Variants in BARD1 observed in about 807,000 individuals in gnomAD.
BARD1 encodes the protein BRCA1-associated RING domain protein 1.
A neutral mutation model predicts 77.0 loss-of-function variants in BARD1; 73 were observed. The ratio of observed to expected loss-of-function variants is 0.95; its 90% CI spans 0.79 to 1.15. BARD1 has a LOEUF of 1.15. Ranked by LOEUF, BARD1 falls within the 50% of genes most tolerant of loss-of-function variation. BARD1 has a pLI of 0.00. For missense variants in BARD1, 993 were observed against 938.8 expected (o/e 1.06, Z -0.75); for synonymous variants, 384 against 338.0 (o/e 1.14, Z -1.49).
chr2:214,745,624 A>G (rs1559386711), intron 8 of BARD1, 98 bp downstream of exon 8: 2 of 1,480,800 alleles, frequency 1.4e-6, no homozygotes, highest in Non-Finnish European at 1.9e-6. Context: ...CCATCTCCCA[A>G]TGGTTAAAAC....
rs139259726 is a variant in BARD1 at position 214,794,017 on chromosome 2, C to T, written c.216-1572G>A. On this transcript the variant is annotated intron_variant, in intron 2 of 10. Coordinates refer to ENST00000260947, the MANE Select transcript of BARD1 (RefSeq NM_000465.4). ...CTGTAATCTCAGCACTTTGGGAGGC[C>T]GAGACAAGAGAATCGCTTGAGCCCA... Among the ~76,000 whole-genome samples the T allele has an allele frequency of 3.9e-4, 59 of 152,008 alleles. No individual in the cohort carries two copies. The East Asian group carries it at 6.4e-3, about 16-fold the overall frequency.
At chr2:214,808,178 G>A (rs995402686) in intron 1 of BARD1, among the ~76,000 whole-genome samples, 8 of 152,210 alleles carry the variant, frequency 5.3e-5, no homozygotes, top group African/African-American at 1.9e-4. Context: ...GGGAGGCAGA[G>A]GCGGGCGGAT....
At chr2:214,751,137 ATATATATATATATATTTT>A (rs1693414391) in intron 7 of BARD1, among the ~76,000 whole-genome samples, 1 of 18,338 alleles carries the variant, frequency 5.5e-5, no homozygotes, top group African/African-American at 1.1e-4. Flanking sequence ...ATATATATAT[ATATATATATATATATTTT>A]TTTTTTTTTT....
At chr2:214,798,843 G>T (rs1187882775) in intron 1 of BARD1, among the ~76,000 whole-genome samples, 1 of 151,864 alleles carries the variant, frequency 6.6e-6, no homozygotes, top group Non-Finnish European at 1.5e-5. Context: ...TAGCAACCGG[G>T]TACTGAGGCT....
intron 7 of BARD1, among the ~76,000 whole-genome samples, chr2:214,748,366 T>G (rs1693241806): frequency 6.6e-6 from 1 of 151,916 alleles, no homozygotes; most frequent in Admixed American, 6.6e-5. Context: ...TCAAAAGAGG[T>G]ACAAAAAACA....
In BARD1 at chr2:214,745,735, C is replaced by A. The variant is rs1317068399; in HGVS notation, c.1797G>T (p.Glu599Asp). ...AVILKAKKYT[E>D]FDSTVTHVVV... ...CAAAATCCTCACCTGTACTGTCAAA[C>A]TCAGTATATTTTTTAGCCTTAAGAA... Residue 599 changes from glutamate to aspartate, a missense_variant, in exon 8 of 11, where the codon GAG (glutamate) becomes GAT (aspartate). Transcript: ENST00000260947. 3.1e-6 allele frequency: 5 copies of A among 1,614,058 alleles called. No homozygotes were observed. Among genetic ancestry groups the A allele is most frequent in the Non-Finnish European group, 4.2e-6 (5 of 1,179,974 alleles).
At chr2:214,785,684 A>C (rs775283721) in intron 3 of BARD1, among the ~76,000 whole-genome samples, 33 of 151,926 alleles carry the variant, frequency 2.2e-4, no homozygotes, top group Middle Eastern at 3.4e-3. Flanking sequence ...CTCCACACAA[A>C]CTGGATTAGC....
chr2:214,756,667 T>C (rs541523640), intron 6 of BARD1, among the ~76,000 whole-genome samples: 129 of 152,284 alleles, frequency 8.5e-4, no homozygotes, highest in African/African-American at 3.1e-3. Context: ...AATGAACTAA[T>C]GGCATTCACA....
At chr2:214,776,967 A>G (rs1164916544) in intron 4 of BARD1, among the ~76,000 whole-genome samples, 3 of 152,150 alleles carry the variant, frequency 2.0e-5, no homozygotes, top group Non-Finnish European at 4.4e-5. Context: ...AGAACCTGGA[A>G]ACAACCCTCA....
intron 6 of BARD1, among the ~76,000 whole-genome samples, chr2:214,753,072 C>G (rs545935376): frequency 6.6e-6 from 1 of 152,230 alleles, no homozygotes; most frequent in East Asian, 1.9e-4. Context: ...ATAATAATCA[C>G]AACCATCGCA....
At chr2:214,770,161 A>T (rs976474966) in intron 4 of BARD1, among the ~76,000 whole-genome samples, 8 of 152,212 alleles carry the variant, frequency 5.3e-5, no homozygotes, top group South Asian at 2.1e-4. Context: ...TGGCAAAAAA[A>T]GAGATCAGTA....
rs903469227 is a variant in BARD1 at position 214,768,339 on chromosome 2, T to G, written c.1396-685A>C. On this transcript the variant is annotated intron_variant, in intron 5 of 10. Coordinates refer to ENST00000260947, the MANE Select transcript of BARD1 (RefSeq NM_000465.4). The stretch of plus-strand genomic sequence containing the variant: ...ATAATAAGTGATATCACACTCAACA[T>G]CTGTAGGTCTATTTTTAGGAGAAAG... Among the ~76,000 whole-genome samples the G allele has an allele frequency of 4.6e-5, 7 of 152,220 alleles. No homozygotes were observed. The South Asian group carries it at 1.4e-3, about 31-fold the overall frequency.
chr2:214,738,940 T>C (rs547331833), intron 9 of BARD1, among the ~76,000 whole-genome samples: 1 of 151,420 alleles, frequency 6.6e-6, no homozygotes, highest in East Asian at 1.9e-4. Context: ...AAACAAGGAG[T>C]TCAAGAACAG....
At chr2:214,798,369 C>A (rs1695856398) in intron 1 of BARD1, among the ~76,000 whole-genome samples, 1 of 152,058 alleles carries the variant, frequency 6.6e-6, no homozygotes, top group African/African-American at 2.4e-5. Context: ...TGTGACTCTG[C>A]CAATAAACAT....
intron 9 of BARD1, among the ~76,000 whole-genome samples, chr2:214,742,818 A>AAAAT (rs1214397110): frequency 2.0e-5 from 3 of 152,224 alleles, no homozygotes; most frequent in African/African-American, 7.2e-5. Context: ...CTTAACATTC[A>AAAAT]AAATTTCGTA....
At chr2:214,802,677 T>A (rs1696078951) in intron 1 of BARD1, among the ~76,000 whole-genome samples, 1 of 152,210 alleles carries the variant, frequency 6.6e-6, no homozygotes, top group Non-Finnish European at 1.5e-5. Context: ...GAAGCCTATA[T>A]ACAAAAATGC....
intron 9 of BARD1, among the ~76,000 whole-genome samples, chr2:214,739,793 T>C (rs188739470): frequency 6.6e-6 from 1 of 152,130 alleles, no homozygotes; most frequent in South Asian, 2.1e-4. Context: ...TTAGCAATTA[T>C]TTATTTTTGA....
intron 10 of BARD1, among the ~76,000 whole-genome samples, chr2:214,729,958 CG>C: frequency 6.6e-6 from 1 of 152,140 alleles, no homozygotes; most frequent in South Asian, 2.1e-4. Context: ...AACATACTTC[CG>C]TATGCTCGTT....
intron 6 of BARD1, among the ~76,000 whole-genome samples, chr2:214,753,078 T>C (rs1375185746): frequency 2.0e-5 from 3 of 152,274 alleles, no homozygotes; most frequent in Middle Eastern, 3.4e-3. Flanking sequence ...ATCACAACCA[T>C]CGCAGAACAA....
Sources: allele counts gnomAD v4.1 joint callset (sites outside exome capture counted in the v4.1 genomes callset), GRCh38; gene constraint gnomAD v4.1.1; transcripts MANE v1.5; gene names NCBI Gene and HGNC (gene_info 2026-07-23, HGNC 2026-07-21).